Variants in GPC6 observed in about 807,000 individuals in gnomAD.
GPC6 encodes glypican 6, also known as glypican-6.
A neutral mutation model predicts 55.2 loss-of-function variants in GPC6; 14 were observed. The ratio of observed to expected loss-of-function variants is 0.25; its 90% CI spans 0.17 to 0.40. The LOEUF is 0.40. GPC6 is among the 10% of genes least tolerant of loss of function. GPC6 has a pLI of 1.00. For missense variants in GPC6, 641 were observed against 708.5 expected, an observed-to-expected ratio of 0.90 and a Z score of 1.08; for synonymous variants, 278 against 259.6, an observed-to-expected ratio of 1.07 and a Z score of -0.68.
intron 4 of GPC6, among the ~76,000 whole-genome samples, chr13:94,213,535 A>T (rs1159340886): frequency 1.3e-5 from 2 of 152,156 alleles, no homozygotes; most frequent in Non-Finnish European, 2.9e-5. Context: ...TCTAGTCCCC[A>T]CTGTGCTCCC....
At chr13:93,881,799 C>G (rs1594552597) in intron 3 of GPC6, among the ~76,000 whole-genome samples, 1 of 152,036 alleles carries the variant, frequency 6.6e-6, no homozygotes, top group Non-Finnish European at 1.5e-5. Context: ...AGCCTCAATG[C>G]CTTGCTTATT....
chr13:94,272,106 ACCAG>A (rs1892046303), intron 4 of GPC6, among the ~76,000 whole-genome samples: 2 of 152,018 alleles, frequency 1.3e-5, no homozygotes, highest in African/African-American at 4.8e-5. Context: ...TTTCAATAAT[ACCAG>A]TATGCACAGA....
rs1881331196 is a variant in GPC6 at position 94,405,465 on chromosome 13, G to A, written c.*2248G>A. On this transcript the variant is annotated 3_prime_UTR_variant, in exon 9 of 9. Coordinates refer to ENST00000377047, the MANE Select transcript of GPC6 (RefSeq NM_005708.5). Reference sequence around the variant, plus strand: ...TCAACCTTGATTTTCCAGACTATTTGAATAATAACTTGCTTTTATGGCTTT... The same window carrying A: ...TCAACCTTGATTTTCCAGACTATTTAAATAATAACTTGCTTTTATGGCTTT... The A allele has an allele frequency of 1.3e-5, 2 of 152,118 alleles. No homozygotes were observed. The highest frequency in any genetic ancestry group is 1.3e-4 in the Admixed American group (2 of 15,272). 9.4% of individuals were successfully genotyped at this position (152,118 alleles called of 1,614,324 possible). A position where few individuals can be genotyped will look rare whatever the true frequency, so the allele number is the denominator to read the frequency against.
At chr13:94,309,521 A>AG (rs1594155191) in intron 6 of GPC6, among the ~76,000 whole-genome samples, 1 of 136,618 alleles carries the variant, frequency 7.3e-6, no homozygotes, top group East Asian at 4.0e-4. Context: ...ATCTTATTAT[A>AG]TTTATAAGGA....
intron 2 of GPC6, among the ~76,000 whole-genome samples, chr13:93,724,643 A>C (rs931105234): frequency 6.6e-6 from 1 of 152,016 alleles, no homozygotes; most frequent in African/African-American, 2.4e-5. Flanking sequence ...CCAGATTTAG[A>C]AGTAATCTGA....
intron 3 of GPC6, among the ~76,000 whole-genome samples, chr13:93,872,554 C>T (rs1270326594): frequency 1.3e-5 from 2 of 152,032 alleles, no homozygotes; most frequent in East Asian, 2.0e-4. Flanking sequence ...GGGAACAATC[C>T]ATTCCTTGGC....
At chr13:93,368,337 TTTCCTTCC>T (rs768601581) in intron 1 of GPC6, among the ~76,000 whole-genome samples, 6,200 of 92,406 alleles carry the variant, frequency 0.067, 263 homozygotes, top group Admixed American at 0.078. Flanking sequence ...CCCTCCCTGC[TTTCCTTCC>T]TTCCTTCCTT....
intron 1 of GPC6, among the ~76,000 whole-genome samples, chr13:93,242,736 C>T (rs1333374835): frequency 6.6e-6 from 1 of 152,164 alleles, no homozygotes; most frequent in Non-Finnish European, 1.5e-5. Flanking sequence ...CACAGAAAAG[C>T]CTGCACTCTG....
chr13:93,878,461 C>A (rs1021330888), intron 3 of GPC6, among the ~76,000 whole-genome samples: 5 of 147,520 alleles, frequency 3.4e-5, no homozygotes, highest in African/African-American at 1.3e-4. Context: ...ACTACAACAA[C>A]CACCATCTCC....
At chr13:94,145,994 A>G (rs907867337) in intron 4 of GPC6, among the ~76,000 whole-genome samples, 5 of 152,186 alleles carry the variant, frequency 3.3e-5, no homozygotes, top group Non-Finnish European at 7.3e-5. Flanking sequence ...AACTTATTAA[A>G]TGCTCATAAA....
chr13:93,369,040 A>G (rs1881361788), intron 1 of GPC6, among the ~76,000 whole-genome samples: 1 of 152,084 alleles, frequency 6.6e-6, no homozygotes. Flanking sequence ...GAGTGGTGAT[A>G]GAAGTGCCTA....
intron 2 of GPC6, among the ~76,000 whole-genome samples, chr13:93,760,977 A>G (rs1263823931): frequency 6.6e-6 from 1 of 152,240 alleles, no homozygotes; most frequent in Non-Finnish European, 1.5e-5. Context: ...GATTTCTTTC[A>G]TGTCCACAGT....
intron 4 of GPC6, among the ~76,000 whole-genome samples, chr13:94,086,393 A>G (rs1187228175): frequency 6.6e-6 from 1 of 152,014 alleles, no homozygotes; most frequent in Non-Finnish European, 1.5e-5. Context: ...TACTATCTGG[A>G]CCTTCCAGGA....
intron 1 of GPC6, among the ~76,000 whole-genome samples, chr13:93,537,662 T>C (rs999361066): frequency 6.6e-6 from 1 of 152,138 alleles, no homozygotes; most frequent in East Asian, 1.9e-4. Context: ...TATTATAGTT[T>C]ATAAAATTAA....
chr13:94,152,815 C>T (rs543733130), intron 4 of GPC6, among the ~76,000 whole-genome samples: 25 of 152,162 alleles, frequency 1.6e-4, no homozygotes, highest in South Asian at 4.1e-4. Context: ...TATTTTTAAA[C>T]GGGAGCTTTT....
Position 93,227,437 on chromosome 13 carries a change from C to G in GPC6, c.-20C>G, listed in dbSNP as rs770924066. 1 of 1,612,892 alleles carries G rather than the reference C, an allele frequency of 6.2e-7. No individual in the cohort carries two copies. The highest frequency in any genetic ancestry group is 8.5e-7 in the Non-Finnish European group (1 of 1,179,090). On this transcript the variant is annotated 5_prime_UTR_variant, in exon 1 of 9. Coordinates refer to ENST00000377047, the MANE Select transcript of GPC6 (RefSeq NM_005708.5). This position sits in a 1 kb window ranked among gnomAD's most constrained non-coding sequence, Gnocchi z 4.3. ...CGCACCGGCCGTGGGGTTTACCGAG[C>G]TGGATTTGTATGTTGCACCATGCCT... is the stretch of plus-strand genomic sequence containing the variant.
intron 5 of GPC6, among the ~76,000 whole-genome samples, chr13:94,303,216 C>T (rs1010277131): frequency 6.6e-6 from 1 of 152,226 alleles, no homozygotes; most frequent in Non-Finnish European, 1.5e-5. Context: ...AAGAGGGTAG[C>T]CCTTGCTGGC....
chr13:93,583,493 A>T (rs930754888), intron 2 of GPC6, among the ~76,000 whole-genome samples: 2 of 151,934 alleles, frequency 1.3e-5, no homozygotes, highest in Non-Finnish European at 2.9e-5. Context: ...ATATCGGCTC[A>T]CCGCAACCTC....
At chr13:94,057,661 CATT>C (rs1399498817) in intron 4 of GPC6, among the ~76,000 whole-genome samples, 2 of 152,160 alleles carry the variant, frequency 1.3e-5, no homozygotes, top group African/African-American at 4.8e-5. Context: ...TATGTACCAT[CATT>C]ATACTGTTTT....
Sources: gnomAD v4.1 joint callset for allele counts (sites outside exome capture counted in the v4.1 genomes callset) on GRCh38, gnomAD v4.1.1 for gene constraint, Gnocchi (gnomAD v3.1) non-coding constraint, MANE v1.5 for transcripts, NCBI Gene and HGNC (gene_info 2026-07-23, HGNC 2026-07-21) for gene names.